Variants in COL14A1 observed in about 807,000 individuals in gnomAD.
COL14A1 encodes the protein collagen alpha-1(XIV) chain.
Under a neutral mutation model 230.3 loss-of-function variants are expected in COL14A1, and 136 were observed. The observed-to-expected ratio is 0.59, with a 90% CI of 0.51 to 0.68. The LOEUF (loss-of-function observed/expected upper bound fraction) is 0.68. COL14A1 is among the 30% of genes least tolerant of loss of function. COL14A1 has a pLI of 0.00. For missense variants in COL14A1, 1,976 were observed against 2,215.8 expected (o/e 0.89, Z 2.17); for synonymous variants, 792 against 784.1 (o/e 1.01, Z -0.17).
intron 34 of COL14A1, among the ~76,000 whole-genome samples, chr8:120,296,305 G>C (rs1188654882): frequency 6.6e-6 from 1 of 151,930 alleles, no homozygotes; most frequent in Non-Finnish European, 1.5e-5. Context: ...TTATTGATCA[G>C]TTGGAATGAA....
intron 23 of COL14A1, among the ~76,000 whole-genome samples, chr8:120,256,588 C>T (rs763310310): frequency 1.3e-5 from 2 of 152,092 alleles, no homozygotes; most frequent in Non-Finnish European, 2.9e-5. Context: ...TGGTATTAAC[C>T]TGGAACAAAC....
intron 2 of COL14A1, among the ~76,000 whole-genome samples, chr8:120,151,020 TA>T (rs1815262428): frequency 6.6e-6 from 1 of 151,636 alleles, no homozygotes; most frequent in Non-Finnish European, 1.5e-5. Flanking sequence ...ACATCAATTA[TA>T]AGGAGAGTCA....
intron 42 of COL14A1, among the ~76,000 whole-genome samples, chr8:120,339,131 C>T (rs1482720608): frequency 5.3e-5 from 8 of 152,186 alleles, no homozygotes; most frequent in African/African-American, 9.7e-5. Flanking sequence ...CGCGCCACCA[C>T]GCCCGGCTAA....
chr8:120,295,867 G>T (rs950779445), intron 34 of COL14A1, among the ~76,000 whole-genome samples: 1 of 151,882 alleles, frequency 6.6e-6, no homozygotes, highest in East Asian at 1.9e-4. Flanking sequence ...AAGTAACTCA[G>T]TCTGTCAGTG....
chr8:120,155,556 G>C (rs895236631), intron 2 of COL14A1, among the ~76,000 whole-genome samples: 2 of 152,114 alleles, frequency 1.3e-5, no homozygotes, highest in Admixed American at 1.3e-4. Context: ...CACACCTGGA[G>C]TGCTAATGGA....
intron 14 of COL14A1, 149 bp from the exon 15 acceptor site, chr8:120,224,939 G>A (rs979310025): frequency 1.8e-5 from 11 of 622,988 alleles, no homozygotes; most frequent in African/African-American, 1.3e-4. Flanking sequence ...GATCAGAAAT[G>A]TTCATACATA....
At chr8:120,143,308 A>AT (rs1357094143) in intron 1 of COL14A1, among the ~76,000 whole-genome samples, 1 of 152,206 alleles carries the variant, frequency 6.6e-6, no homozygotes, top group African/African-American at 2.4e-5. Context: ...GGGAAGTAGC[A>AT]TAACAGCAAT....
At chr8:120,348,386 C>T (rs1308170293) in intron 45 of COL14A1, among the ~76,000 whole-genome samples, 1 of 151,406 alleles carries the variant, frequency 6.6e-6, no homozygotes, top group Admixed American at 6.6e-5. Context: ...CACAGTAACC[C>T]AGATGAGATT....
intron 4 of COL14A1, among the ~76,000 whole-genome samples, chr8:120,162,872 C>T (rs1304760518): frequency 6.6e-6 from 1 of 152,212 alleles, no homozygotes; most frequent in Non-Finnish European, 1.5e-5. Flanking sequence ...GCATCTAGAG[C>T]TTCCCTTCTG....
intron 34 of COL14A1, among the ~76,000 whole-genome samples, chr8:120,293,558 T>C (rs1264205891): frequency 6.6e-6 from 1 of 151,782 alleles, no homozygotes; most frequent in Non-Finnish European, 1.5e-5. Flanking sequence ...AACTGAGACT[T>C]TAAGAAGCTA....
chr8:120,284,394 T>A (rs1820130623), intron 32 of COL14A1, among the ~76,000 whole-genome samples: 1 of 152,214 alleles, frequency 6.6e-6, no homozygotes, highest in African/African-American at 2.4e-5. Flanking sequence ...TGCTCTTGGA[T>A]GTTGTACCAT....
At chr8:120,280,852 T>C in intron 30 of COL14A1, 69 bp from the exon 31 acceptor site, 1 of 1,476,710 alleles carries the variant, frequency 6.8e-7, no homozygotes, top group Non-Finnish European at 9.1e-7. Flanking sequence ...AGAAAAATAT[T>C]AAAATTTAAA....
rs915236995 is a variant in COL14A1, at chr8:120,229,047, A to G, written c.2197+278A>G. Among the ~76,000 whole-genome samples, 3 of 151,106 alleles carry G rather than the reference A, an allele frequency of 2.0e-5. No individual in the cohort carries two copies. In the East Asian group the frequency reaches 5.8e-4, roughly 29 times the overall value. ...TGCACCTTACCTGGGATGTTAACGTAGCTGCCTCCCCAGGGGTCTTTGCCC... is the reference window on the plus strand; with the variant it reads ...TGCACCTTACCTGGGATGTTAACGTGGCTGCCTCCCCAGGGGTCTTTGCCC... On this transcript the variant is annotated intron_variant, in intron 18 of 47. Coordinates refer to ENST00000297848, the MANE Select transcript of COL14A1 (RefSeq NM_021110.4).
At chr8:120,251,061 C>T (rs564243449) in intron 22 of COL14A1, among the ~76,000 whole-genome samples, 1 of 152,314 alleles carries the variant, frequency 6.6e-6, no homozygotes, top group East Asian at 1.9e-4. Context: ...CCTCCTCAGC[C>T]TCCCAAGCAC....
At chr8:120,146,684 C>G (rs1344429747) in intron 1 of COL14A1, among the ~76,000 whole-genome samples, 1 of 151,944 alleles carries the variant, frequency 6.6e-6, no homozygotes, top group Non-Finnish European at 1.5e-5. Context: ...TGCTATTTAT[C>G]TCAAATTAAA....
intron 26 of COL14A1, among the ~76,000 whole-genome samples, chr8:120,273,325 C>T (rs1819732370): frequency 6.6e-6 from 1 of 151,710 alleles, no homozygotes; most frequent in South Asian, 2.1e-4. Flanking sequence ...GCACTCAATG[C>T]CTACATCAAA....
chr8:120,152,600 G>A (rs571359711), intron 2 of COL14A1, among the ~76,000 whole-genome samples: 1 of 151,942 alleles, frequency 6.6e-6, no homozygotes, highest in East Asian at 1.9e-4. Flanking sequence ...CCCTCTCCAG[G>A]ACCTGTGAAC....
rs1217269812 is a variant in COL14A1, at chr8:120,250,727, T to G, written c.2713T>G (p.Ser905Ala). The G allele has an allele frequency of 1.2e-6, 2 of 1,614,130 alleles. No homozygotes were observed. Among genetic ancestry groups the G allele is most frequent in the African/African-American group, 2.7e-5 (2 of 74,952 alleles). The part of the protein sequence containing the change: ...YNVKIFASQA[S>A]GFSDALTGMV... ...TGTGAAGATATTTGCCTCCCAGGCC[T>G]CAGGCTTCAGCGACGCCCTGACAGG... Residue 905 changes from serine (S) to alanine (A), a missense_variant, in exon 22 of 48, where the codon TCA (serine) becomes GCA (alanine). By Grantham distance (99) the Ser-to-Ala change is moderately conservative. Transcript: ENST00000297848.
intron 22 of COL14A1, among the ~76,000 whole-genome samples, chr8:120,252,108 G>A (rs2129688578): frequency 6.6e-6 from 1 of 152,170 alleles, no homozygotes; most frequent in South Asian, 2.1e-4. Flanking sequence ...AATGTGTAAT[G>A]ATCACCACAA....
Sources: gnomAD v4.1 joint callset for allele counts (sites outside exome capture counted in the v4.1 genomes callset) on GRCh38, gnomAD v4.1.1 for gene constraint, MANE v1.5 for transcripts, NCBI Gene and HGNC (gene_info 2026-07-23, HGNC 2026-07-21) for gene names.